TENM2: variants seen among roughly 807,000 people sequenced by gnomAD.
The protein encoded by TENM2 is teneurin transmembrane protein 2, also known as teneurin-2.
In TENM2, 52 loss-of-function variants were observed where a neutral mutation model predicts 245.2. The observed-to-expected ratio is 0.21, with a 90% CI of 0.17 to 0.27. TENM2 has a LOEUF of 0.27. TENM2 is among the 10% of genes least tolerant of loss of function. The probability of loss-of-function intolerance (pLI) is 1.00; values close to 1 mark genes in which losing one functional copy is unlikely to be tolerated. For synonymous variants in TENM2, 1,363 were observed against 1,438.9 expected (o/e 0.95, Z 1.19); for missense variants, 3,046 against 3,666.8 (o/e 0.83, Z 4.37).
chr5:167,330,131 G>A (rs953594213), intron 1 of TENM2, among the ~76,000 whole-genome samples: 13 of 152,106 alleles, frequency 8.5e-5, no homozygotes, highest in African/African-American at 2.7e-4. Flanking sequence ...TTTCCTTATA[G>A]TATAAAAGAA....
intron 4 of TENM2, among the ~76,000 whole-genome samples, chr5:167,982,496 C>T (rs979583571): frequency 3.3e-5 from 5 of 152,146 alleles, no homozygotes; most frequent in Admixed American, 6.6e-5. Flanking sequence ...CCTGTGGGCC[C>T]GCTTCTGTGT....
the TENM2 span, among the ~76,000 whole-genome samples, chr5:167,187,916 A>G: frequency 7.2e-5 from 11 of 152,210 alleles, no homozygotes; most frequent in African/African-American, 2.4e-4. Context: ...TTTTGAGGCT[A>G]TTTCACATTT....
rs553548979 is a variant in TENM2, at chr5:168,182,992, G to A, written c.2570-7345G>A. Among the ~76,000 whole-genome samples the A allele has an allele frequency of 9.2e-5, 14 of 152,096 alleles. No individual in the cohort carries two copies. In the East Asian group the frequency reaches 2.3e-3, roughly 25 times the overall value. ...ACCACAAGTGCGCGCCACCATGCCT[G>A]GCTAATTTTTGTAGTTTTTAATAGA... On this transcript the variant is annotated intron_variant, in intron 13 of 28. Coordinates refer to ENST00000518659, the Ensembl canonical transcript of TENM2.
chr5:167,791,329 G>T (rs1385524023), intron 2 of TENM2, among the ~76,000 whole-genome samples: 1 of 140,320 alleles, frequency 7.1e-6, no homozygotes, highest in African/African-American at 2.6e-5. Flanking sequence ...AATGTAATAC[G>T]GGTACACATT....
the TENM2 span, among the ~76,000 whole-genome samples, chr5:167,124,500 T>G: frequency 6.6e-6 from 1 of 152,192 alleles, no homozygotes; most frequent in Non-Finnish European, 1.5e-5. Flanking sequence ...TACTGCATGC[T>G]TGCCTCCCAT....
chr5:168,229,182 G>A (rs1229246998), intron 25 of TENM2, among the ~76,000 whole-genome samples: 1 of 152,000 alleles, frequency 6.6e-6, no homozygotes, highest in Non-Finnish European at 1.5e-5. Flanking sequence ...TCATTTTTCA[G>A]ATGAGAAAAC....
chr5:167,700,897 G>A (rs549939330), intron 2 of TENM2, among the ~76,000 whole-genome samples: 3 of 131,388 alleles, frequency 2.3e-5, no homozygotes, highest in Non-Finnish European at 4.7e-5. Flanking sequence ...ATAAAATTGC[G>A]TTCAGAAATA....
At chr5:167,121,344 C>T in the TENM2 span, among the ~76,000 whole-genome samples, 6 of 152,144 alleles carry the variant, frequency 3.9e-5, no homozygotes, top group Middle Eastern at 3.4e-3. Context: ...TTAGGGGAAT[C>T]GCTTCAGAAA....
In TENM2 at chr5:167,502,139, A is replaced by G. The variant is rs374128083; in HGVS notation, c.502+126666A>G. ...TTCACTTGTAATATCGCCAGCATAC[A>G]TATATTTACTCAAGACGGGATAGAG... On this transcript the variant is annotated intron_variant, in intron 2 of 28. Coordinates refer to ENST00000518659, the Ensembl canonical transcript of TENM2. Among the ~76,000 whole-genome samples, 10 of 152,300 alleles carry G rather than the reference A, an allele frequency of 6.6e-5. No homozygotes were observed. The East Asian group carries it at 1.5e-3, about 24-fold the overall frequency.
the TENM2 span, among the ~76,000 whole-genome samples, chr5:167,211,461 G>A: frequency 6.6e-6 from 1 of 152,060 alleles, no homozygotes. Flanking sequence ...AATACATTTA[G>A]GCATAACAGA....
chr5:167,388,880 T>C (rs922419632), intron 2 of TENM2, among the ~76,000 whole-genome samples: 3 of 151,984 alleles, frequency 2.0e-5, no homozygotes, highest in African/African-American at 7.2e-5. Context: ...TATAATTGTG[T>C]TGTGCTTTTT....
At chr5:167,195,589 C>T in the TENM2 span, among the ~76,000 whole-genome samples, 1 of 151,844 alleles carries the variant, frequency 6.6e-6, no homozygotes, top group Non-Finnish European at 1.5e-5. Flanking sequence ...AAGAAAATAT[C>T]GATTTTAAAA....
At chr5:168,060,793 G>A (rs1789968687) in intron 6 of TENM2, among the ~76,000 whole-genome samples, 1 of 152,144 alleles carries the variant, frequency 6.6e-6, no homozygotes, top group Non-Finnish European at 1.5e-5. Flanking sequence ...GACCAAAAGT[G>A]TCATCTCTCC....
At chr5:168,058,335 A>T (rs766814270) in intron 6 of TENM2, among the ~76,000 whole-genome samples, 3 of 152,204 alleles carry the variant, frequency 2.0e-5, no homozygotes, top group Non-Finnish European at 2.9e-5. Context: ...TGCCAGGTGC[A>T]AAGCTTAGAG....
At chr5:167,924,676 G>A (rs1395691069) in intron 3 of TENM2, among the ~76,000 whole-genome samples, 2 of 152,158 alleles carry the variant, frequency 1.3e-5, no homozygotes, top group Non-Finnish European at 2.9e-5. Context: ...CATTAGAAGC[G>A]CCTGGAGAGC....
chr5:167,187,159 G>GTT, the TENM2 span, among the ~76,000 whole-genome samples: 1 of 152,182 alleles, frequency 6.6e-6, no homozygotes, highest in African/African-American at 2.4e-5. Context: ...GGATGCCTCT[G>GTT]TTCTGGTAGA....
At chr5:167,373,561 A>G (rs932784692) in intron 1 of TENM2, among the ~76,000 whole-genome samples, 19 of 152,228 alleles carry the variant, frequency 1.2e-4, no homozygotes, top group African/African-American at 4.6e-4. Flanking sequence ...CAGTAAGTAG[A>G]GTGGACCACA....
intron 5 of TENM2, among the ~76,000 whole-genome samples, chr5:168,002,608 G>A (rs937272707): frequency 6.6e-6 from 1 of 152,136 alleles, no homozygotes; most frequent in Non-Finnish European, 1.5e-5. Context: ...AGACTTCTGG[G>A]ACATTAGCTA....
the TENM2 span, among the ~76,000 whole-genome samples, chr5:167,201,814 T>C: frequency 6.6e-6 from 1 of 152,196 alleles, no homozygotes; most frequent in Non-Finnish European, 1.5e-5. Context: ...GGAGAACTGA[T>C]TGGCTGACTG....
Sources: gnomAD v4.1 joint callset for allele counts (sites outside exome capture counted in the v4.1 genomes callset) on GRCh38, gnomAD v4.1.1 for gene constraint, MANE v1.5 for transcripts, NCBI Gene and HGNC (gene_info 2026-07-23, HGNC 2026-07-21) for gene names.